Variants in KAZN observed in about 807,000 individuals in gnomAD.
KAZN encodes kazrin.
Under a neutral mutation model 87.4 loss-of-function variants are expected in KAZN, and 40 were observed. The ratio of observed to expected loss-of-function variants is 0.46; its 90% CI spans 0.36 to 0.60. The LOEUF is 0.60. Among genes scored for constraint, KAZN ranks in the 20% least tolerant of loss-of-function variants. The pLI is 0.00. For synonymous variants in KAZN, 466 were observed against 458.3 expected, an observed-to-expected ratio of 1.02 and a Z score of -0.22; for missense variants, 898 against 1,073.9, an observed-to-expected ratio of 0.84 and a Z score of 2.29.
At chr1:14,034,180 A>C (rs1641446575) in intron 1 of KAZN, among the ~76,000 whole-genome samples, 1 of 152,246 alleles carries the variant, frequency 6.6e-6, no homozygotes, top group African/African-American at 2.4e-5. Context: ...GTGGCTATAC[A>C]TAATGGCAAA....
At chr1:15,016,598 T>G (rs10157110) in intron 2 of KAZN, among the ~76,000 whole-genome samples, 33,053 of 152,106 alleles carry the variant, frequency 0.22, 3,852 homozygotes, top group Admixed American at 0.35. Context: ...GAGAATGCAT[T>G]TGTTTTAAGC....
At chr1:15,110,111 G>A (rs983528868) in intron 13 of KAZN, among the ~76,000 whole-genome samples, 2 of 128,344 alleles carry the variant, frequency 1.6e-5, no homozygotes, top group East Asian at 5.6e-4. Flanking sequence ...GTGCGTATTT[G>A]TGTGTGTATT....
chr1:14,691,343 T>C (rs1641295470), intron 1 of KAZN, among the ~76,000 whole-genome samples: 1 of 152,226 alleles, frequency 6.6e-6, no homozygotes, highest in South Asian at 2.1e-4. Context: ...TGTACACACA[T>C]GCACACAAAC....
intron 1 of KAZN, among the ~76,000 whole-genome samples, chr1:13,908,424 C>A (rs533997379): frequency 6.6e-6 from 1 of 152,220 alleles, no homozygotes; most frequent in Non-Finnish European, 1.5e-5. Flanking sequence ...GCCTTGACGG[C>A]TCTTTGGTCA....
At chr1:14,250,423 A>G (rs937384854) in intron 2 of KAZN, among the ~76,000 whole-genome samples, 2 of 152,072 alleles carry the variant, frequency 1.3e-5, no homozygotes, top group Non-Finnish European at 1.5e-5. Context: ...CTTGGGGTCA[A>G]TCAATAAAAT....
chr1:14,498,768 C>T (rs982873517), intron 2 of KAZN, among the ~76,000 whole-genome samples: 2 of 151,988 alleles, frequency 1.3e-5, no homozygotes, highest in Middle Eastern at 3.4e-3. Context: ...AGTCTGGGTA[C>T]TTATTCTCCT....
chr1:14,203,650 T>C (rs1646684374), intron 2 of KAZN, among the ~76,000 whole-genome samples: 1 of 152,194 alleles, frequency 6.6e-6, no homozygotes, highest in Non-Finnish European at 1.5e-5. Context: ...AAAGGTGGCC[T>C]TCACTAAAAA....
In KAZN at chr1:14,168,075, C is replaced by T. The variant is rs146639523; in HGVS notation, c.92-12360C>T. Among the ~76,000 whole-genome samples the T allele has an allele frequency of 1.6e-3, 242 of 152,348 alleles. 2 individuals carry two copies. Among genetic ancestry groups the T allele is most frequent in the African/African-American group, 5.6e-3 (232 of 41,586 alleles). ...TAAGGTTGACATGTCCTTGGCGCCGCTTCCTCTTCCTTGAGCCAAAGCCCA... is the reference window on the plus strand; with the variant it reads ...TAAGGTTGACATGTCCTTGGCGCCGTTTCCTCTTCCTTGAGCCAAAGCCCA... On this transcript the variant is annotated intron_variant, in intron 1 of 16. Transcript: ENST00000636203.
chr1:14,495,290 A>T lies in KAZN; in HGVS notation c.250-103693A>T, dbSNP rs1669878057. On this transcript the variant is annotated intron_variant, in intron 2 of 16. Transcript: ENST00000636203. ...TGGTGATTAAAAGAAAACCATAAAG[A>T]AATCCTGTGACAGTAATCATTTTGG... Among the ~76,000 whole-genome samples the T allele has an allele frequency of 3.9e-5, 6 of 152,206 alleles. No individual in the cohort carries two copies. The South Asian group carries it at 1.2e-3, about 32-fold the overall frequency.
At chr1:14,528,042 TC>T (rs1671992714) in intron 2 of KAZN, among the ~76,000 whole-genome samples, 1 of 149,584 alleles carries the variant, frequency 6.7e-6, no homozygotes, top group Non-Finnish European at 1.5e-5. Context: ...TATCTATCTA[TC>T]TATCTATGTA....
At chr1:15,110,499 GTGTGTA>G (rs1557807082) in intron 13 of KAZN, among the ~76,000 whole-genome samples, 2,821 of 149,298 alleles carry the variant, frequency 0.019, 109 homozygotes, top group African/African-American at 0.066. Context: ...GTATGTATGT[GTGTGTA>G]TTTGTGTGTT....
At chr1:14,584,116 G>A (rs951654644) in intron 2 of KAZN, among the ~76,000 whole-genome samples, 12 of 152,154 alleles carry the variant, frequency 7.9e-5, no homozygotes, top group African/African-American at 2.9e-4. Flanking sequence ...CCCAGCCCTG[G>A]ACAAGTGCTC....
intron 1 of KAZN, among the ~76,000 whole-genome samples, chr1:14,068,929 G>T (rs2101547933): frequency 6.6e-6 from 1 of 152,012 alleles, no homozygotes; most frequent in Non-Finnish European, 1.5e-5. Context: ...CTCCTGAGTA[G>T]CTGGGACTAC....
At chr1:14,223,722 G>A (rs956507681) in intron 2 of KAZN, among the ~76,000 whole-genome samples, 5 of 152,236 alleles carry the variant, frequency 3.3e-5, no homozygotes, top group Middle Eastern at 3.4e-3. Context: ...CAAGACTCTC[G>A]ACGATGAAAC....
chr1:13,941,234 G>A (rs141402807), intron 1 of KAZN, among the ~76,000 whole-genome samples: 3 of 152,174 alleles, frequency 2.0e-5, no homozygotes, highest in African/African-American at 7.2e-5. Context: ...AAAAGGAGTA[G>A]GGGGGAATAT....
At chr1:14,606,770 G>T (rs1677401693) in intron 1 of KAZN, among the ~76,000 whole-genome samples, 1 of 152,064 alleles carries the variant, frequency 6.6e-6, no homozygotes, top group African/African-American at 2.4e-5. Flanking sequence ...GTTCTCAGGG[G>T]GCTGTCCTGT....
intron 2 of KAZN, among the ~76,000 whole-genome samples, chr1:14,448,718 G>T (rs1667113095): frequency 6.6e-6 from 1 of 152,174 alleles, no homozygotes; most frequent in Non-Finnish European, 1.5e-5. Flanking sequence ...GAAGCAAAAT[G>T]GTCCAACACG....
intron 1 of KAZN, among the ~76,000 whole-genome samples, chr1:14,139,469 C>T (rs889802423): frequency 6.6e-6 from 1 of 152,242 alleles, no homozygotes; most frequent in Non-Finnish European, 1.5e-5. Context: ...GACACTGCCT[C>T]TTTCCTGAAC....
rs538451392 is a variant in KAZN, at chr1:14,628,191, T to C, written c.226+28968T>C. On this transcript the variant is annotated intron_variant, in intron 1 of 14. Transcript: ENST00000376030. ...GGGGCAGTGGATCCGGGTGCAGTTC[T>C]GTGTAGCATGCATGCCTATGGATCC... Among the ~76,000 whole-genome samples the C allele has an allele frequency of 7.9e-5, 12 of 152,336 alleles. 1 individual carries two copies. The highest frequency in any genetic ancestry group is 3.4e-3 in the Middle Eastern group (1 of 294).
Sources: allele counts gnomAD v4.1 joint callset (sites outside exome capture counted in the v4.1 genomes callset), GRCh38; gene constraint gnomAD v4.1.1; transcripts MANE v1.5; gene names NCBI Gene and HGNC (gene_info 2026-07-23, HGNC 2026-07-21).